Variants in PPP4R4 observed in about 807,000 individuals in gnomAD.
PPP4R4 encodes the protein protein phosphatase 4 regulatory subunit 4, also known as serine/threonine-protein phosphatase 4 regulatory subunit 4.
PPP4R4 carries 70 observed loss-of-function variants against 121.8 expected under a neutral mutation model. The ratio of observed to expected loss-of-function variants is 0.57; its 90% CI spans 0.47 to 0.70. The LOEUF (loss-of-function observed/expected upper bound fraction) is 0.70, where lower values mean the gene tolerates loss of function less well. Among genes scored for constraint, PPP4R4 ranks in the 30% least tolerant of loss-of-function variants. The pLI, the probability that PPP4R4 is intolerant of heterozygous loss-of-function variation, is 0.00. For missense variants in PPP4R4, 875 were observed against 1,033.6 expected, an observed-to-expected ratio of 0.85 and a Z score of 2.10; for synonymous variants, 348 against 355.7, an observed-to-expected ratio of 0.98 and a Z score of 0.24.
At chr14:94,189,089 A>T (rs935248300) in intron 2 of PPP4R4, among the ~76,000 whole-genome samples, 1 of 152,214 alleles carries the variant, frequency 6.6e-6, no homozygotes, top group Non-Finnish European at 1.5e-5. Flanking sequence ...GAAAATATAC[A>T]TATGTAAAAT....
At chr14:94,263,989 G>A (rs1052175587) in intron 19 of PPP4R4, among the ~76,000 whole-genome samples, 1 of 152,128 alleles carries the variant, frequency 6.6e-6, no homozygotes, top group Admixed American at 6.5e-5. Context: ...TGCTGTGTTT[G>A]TTGATTTTCA....
At chr14:94,206,336 T>C (rs1433699736) in intron 2 of PPP4R4, among the ~76,000 whole-genome samples, 1 of 152,104 alleles carries the variant, frequency 6.6e-6, no homozygotes, top group East Asian at 1.9e-4. Flanking sequence ...TTCTTTATTT[T>C]CAACCACTGA....
At chr14:94,269,153 T>C (rs1314612848) in intron 23 of PPP4R4, among the ~76,000 whole-genome samples, 1 of 152,170 alleles carries the variant, frequency 6.6e-6, no homozygotes, top group Middle Eastern at 3.2e-3. Context: ...GATGTTTGCA[T>C]AGAGAAGAGA....
intron 3 of PPP4R4, among the ~76,000 whole-genome samples, chr14:94,224,858 T>C (rs1891608907): frequency 6.6e-6 from 1 of 152,180 alleles, no homozygotes; most frequent in Non-Finnish European, 1.5e-5. Context: ...GGAGAACTGC[T>C]ATTGGAAACA....
At chr14:94,239,514 T>A (rs1892519869) in intron 8 of PPP4R4, among the ~76,000 whole-genome samples, 1 of 151,978 alleles carries the variant, frequency 6.6e-6, no homozygotes, top group African/African-American at 2.4e-5. Context: ...GTTCCCAGTT[T>A]AAATACAGTT....
In PPP4R4 at chr14:94,256,773, G is replaced by C. The variant is rs564239064; in HGVS notation, c.2010+169G>C. On this transcript the variant is annotated intron_variant, in intron 17 of 24. Transcript: ENST00000304338. ...GTTGATATGTGCTACAACTGGATAT[G>C]AAACTTTCGAAGGGCACCTAGACAT... Among the ~76,000 whole-genome samples the C allele has an allele frequency of 3.9e-5, 6 of 152,262 alleles. No individual in the cohort carries two copies. The South Asian group carries it at 1.2e-3, about 32-fold the overall frequency.
chr14:94,257,848 G>A (rs979629228), intron 17 of PPP4R4, among the ~76,000 whole-genome samples: 3 of 152,100 alleles, frequency 2.0e-5, no homozygotes, highest in Non-Finnish European at 4.4e-5. Flanking sequence ...TAACAGTGAT[G>A]TAATAAAATT....
chr14:94,213,378 T>C (rs543097998), intron 3 of PPP4R4, among the ~76,000 whole-genome samples: 1 of 152,330 alleles, frequency 6.6e-6, no homozygotes, highest in Non-Finnish European at 1.5e-5. Context: ...CAGAGAAATC[T>C]TTTAAAAAGC....
intron 16 of PPP4R4, among the ~76,000 whole-genome samples, chr14:94,253,038 T>C (rs1893273487): frequency 6.6e-6 from 1 of 152,260 alleles, no homozygotes; most frequent in Non-Finnish European, 1.5e-5. Flanking sequence ...CTAGAAGTTT[T>C]TCTTTTGTAT....
At chr14:94,272,845 TA>T (rs1033731183) in intron 23 of PPP4R4, among the ~76,000 whole-genome samples, 1 of 152,154 alleles carries the variant, frequency 6.6e-6, no homozygotes, top group Non-Finnish European at 1.5e-5. Flanking sequence ...AAGACTTGAA[TA>T]AATACCTCAC....
At chr14:94,180,011 A>C (rs773066977) in intron 2 of PPP4R4, among the ~76,000 whole-genome samples, 1 of 152,218 alleles carries the variant, frequency 6.6e-6, no homozygotes, top group Non-Finnish European at 1.5e-5. Context: ...TTTATTATCT[A>C]TGTGACAGTG....
chr14:94,179,532 T>G (rs1888862637), intron 2 of PPP4R4, among the ~76,000 whole-genome samples: 1 of 152,238 alleles, frequency 6.6e-6, no homozygotes, highest in East Asian at 1.9e-4. Flanking sequence ...ATGCTGGCCT[T>G]TTCACTGTTA....
intron 23 of PPP4R4, among the ~76,000 whole-genome samples, chr14:94,269,522 A>T (rs911257536): frequency 1.7e-4 from 26 of 152,096 alleles, no homozygotes; most frequent in African/African-American, 5.8e-4. Flanking sequence ...AAAAATAAAA[A>T]AAAAAAAATT....
At chr14:94,192,646 A>G (rs1272485071) in intron 2 of PPP4R4, among the ~76,000 whole-genome samples, 4 of 152,178 alleles carry the variant, frequency 2.6e-5, no homozygotes, top group African/African-American at 9.7e-5. Context: ...CTGGCTCTCT[A>G]TAACTACAAA....
At chr14:94,275,278 G>A in intron 23 of PPP4R4, 96 bp from the exon 24 acceptor site, 1 of 1,359,984 alleles carries the variant, frequency 7.4e-7, no homozygotes. Context: ...TGATTTAAAA[G>A]GTGAAAAAGT....
At chr14:94,226,770 C>T (rs1891729300) in intron 3 of PPP4R4, among the ~76,000 whole-genome samples, 1 of 152,040 alleles carries the variant, frequency 6.6e-6, no homozygotes, top group Non-Finnish European at 1.5e-5. Context: ...TCTAAAAATA[C>T]ACAGATATTT....
intron 3 of PPP4R4, among the ~76,000 whole-genome samples, chr14:94,222,390 T>C (rs1274762993): frequency 6.6e-6 from 1 of 151,894 alleles, no homozygotes; most frequent in Non-Finnish European, 1.5e-5. Context: ...ATTGGTATTT[T>C]TACCCTTTTC....
rs1433425412 is a variant in PPP4R4, at chr14:94,239,206, T to TA, written c.854-1467_854-1466insA. ...CAACTCCTTCTGCTTCTTTTTTTTT[T>TA]TTATTATTATAGTTTAAGTTCTAGG... On this transcript the variant is annotated intron_variant, in intron 8 of 24. Transcript: ENST00000304338. Among the ~76,000 whole-genome samples, 94 of 151,994 alleles carry TA rather than the reference T, an allele frequency of 6.2e-4. 1 individual carries two copies. The highest frequency in any genetic ancestry group is 1.2e-3 in the African/African-American group (49 of 41,440).
chr14:94,218,069 G>A (rs1182045756), intron 3 of PPP4R4, among the ~76,000 whole-genome samples: 1 of 152,164 alleles, frequency 6.6e-6, no homozygotes, highest in Admixed American at 6.5e-5. Flanking sequence ...CTTATCAGGA[G>A]TTTGAACATG....
Sources: allele counts gnomAD v4.1 joint callset (sites outside exome capture counted in the v4.1 genomes callset), GRCh38; gene constraint gnomAD v4.1.1; transcripts MANE v1.5; gene names NCBI Gene and HGNC (gene_info 2026-07-23, HGNC 2026-07-21).